NEBL: variants seen among roughly 807,000 people sequenced by gnomAD.
NEBL encodes the protein nebulette.
A neutral mutation model predicts 140.2 loss-of-function variants in NEBL; 122 were observed. That is an observed-to-expected ratio of 0.87 (90% CI 0.75 to 1.01). The LOEUF (loss-of-function observed/expected upper bound fraction) is 1.01. NEBL is among the 50% of genes least tolerant of loss of function. The probability of loss-of-function intolerance (pLI) is 0.00; values close to 1 mark genes in which losing one functional copy is unlikely to be tolerated. For missense variants in NEBL, 1,365 were observed against 1,231.3 expected, an observed-to-expected ratio of 1.11 and a Z score of -1.62; for synonymous variants, 436 against 398.9, an observed-to-expected ratio of 1.09 and a Z score of -1.11.
At position 21,116,610 on chromosome 10, in the gene NEBL, A is replaced by G. The variant is rs556416039; in HGVS notation, c.164+55773T>C. Reference sequence around the variant, plus strand: ...GTCATTTCTAGGCCTTTTTCTATATACTGTTTTTCTCCTCATTATGGGTCA... The same window carrying G: ...GTCATTTCTAGGCCTTTTTCTATATGCTGTTTTTCTCCTCATTATGGGTCA... On this transcript the variant is annotated intron_variant, in intron 2 of 6. Coordinates refer to the NEBL transcript ENST00000417816. 2.0e-5 allele frequency among the ~76,000 whole-genome samples: 3 copies of G among 151,908 alleles called. No individual in the cohort carries two copies. The South Asian group carries it at 6.3e-4, about 32-fold the overall frequency.
intron 2 of NEBL, among the ~76,000 whole-genome samples, chr10:21,161,913 T>C (rs978308733): frequency 8.5e-5 from 13 of 152,220 alleles, no homozygotes; most frequent in Non-Finnish European, 1.5e-5. Flanking sequence ...ATGAGCTCCT[T>C]GGACCATATC....
intron 2 of NEBL, among the ~76,000 whole-genome samples, chr10:21,149,944 T>TTGA (rs1840073262): frequency 6.6e-6 from 1 of 152,188 alleles, no homozygotes; most frequent in Non-Finnish European, 1.5e-5. Context: ...TTCTTCTGTG[T>TTGA]TGATTGCTGT....
intron 3 of NEBL, among the ~76,000 whole-genome samples, chr10:21,014,626 A>G (rs1460881024): frequency 6.6e-6 from 1 of 152,184 alleles, no homozygotes; most frequent in African/African-American, 2.4e-5. Flanking sequence ...GCTTTAGGTA[A>G]TATTTACCAG....
intron 1 of NEBL, among the ~76,000 whole-genome samples, chr10:21,259,394 G>A (rs1429853129): frequency 6.6e-6 from 1 of 152,112 alleles, no homozygotes; most frequent in Non-Finnish European, 1.5e-5. Flanking sequence ...AAGTGAGGGT[G>A]CAGCTATGAA....
chr10:21,234,628 G>A (rs1023151907), intron 3 of NEBL, among the ~76,000 whole-genome samples: 12 of 152,090 alleles, frequency 7.9e-5, no homozygotes, highest in African/African-American at 2.7e-4. Context: ...GAGCAGTGAC[G>A]TGCTGTTAAT....
At chr10:21,178,342 A>G (rs1055987917), upstream of NEBL, among the ~76,000 whole-genome samples, 5 of 152,248 alleles carry the variant, frequency 3.3e-5, no homozygotes, top group Non-Finnish European at 7.3e-5. Context: ...ATCTCTGCTT[A>G]TAATAAAATC....
intron 3 of NEBL, among the ~76,000 whole-genome samples, chr10:21,203,022 T>C (rs1470740977): frequency 6.6e-6 from 1 of 152,236 alleles, no homozygotes; most frequent in Non-Finnish European, 1.5e-5. Context: ...TAAAGCATAT[T>C]TGCATAGTCA....
chr10:21,025,004 T>C (rs568263903), intron 2 of NEBL, among the ~76,000 whole-genome samples: 69 of 152,300 alleles, frequency 4.5e-4, no homozygotes, highest in African/African-American at 1.4e-3. Context: ...CCTAAAAAAT[T>C]GTCTTGAATA....
intron 1 of NEBL, among the ~76,000 whole-genome samples, chr10:21,288,820 G>GATATATATATA (rs1843099453): frequency 2.9e-5 from 1 of 35,024 alleles, no homozygotes; most frequent in East Asian, 2.5e-3. Context: ...GTGTGTGTGT[G>GATATATATATA]TATATATATA....
intron 3 of NEBL, among the ~76,000 whole-genome samples, chr10:20,988,796 CA>C (rs1209916997): frequency 6.6e-6 from 1 of 152,184 alleles, no homozygotes; most frequent in South Asian, 2.1e-4. Flanking sequence ...CCACACTTGG[CA>C]AAGCCACCAG....
At chr10:20,894,534 G>GA (rs1004616844) in intron 2 of NEBL, among the ~76,000 whole-genome samples, 8 of 151,580 alleles carry the variant, frequency 5.3e-5, no homozygotes, top group African/African-American at 1.7e-4. Flanking sequence ...AGAGAAAAAG[G>GA]AAAAAAATCT....
At chr10:21,196,799 C>T (rs1458697451) in intron 3 of NEBL, among the ~76,000 whole-genome samples, 1 of 152,238 alleles carries the variant, frequency 6.6e-6, no homozygotes, top group Non-Finnish European at 1.5e-5. Flanking sequence ...TTTAACCACT[C>T]ATTGGTATCA....
chr10:21,251,614 G>A (rs749349120), intron 2 of NEBL, among the ~76,000 whole-genome samples: 16 of 152,130 alleles, frequency 1.1e-4, no homozygotes, highest in Admixed American at 3.3e-4. Flanking sequence ...CCCCAAAAAT[G>A]TGTATGTTAA....
At chr10:21,279,541 C>T (rs1290358651) in intron 1 of NEBL, among the ~76,000 whole-genome samples, 5 of 151,800 alleles carry the variant, frequency 3.3e-5, no homozygotes, top group Non-Finnish European at 7.4e-5. Context: ...CCAAGAAGGG[C>T]GGATCACTGG....
intron 3 of NEBL, among the ~76,000 whole-genome samples, chr10:21,233,351 A>T (rs1277361364): frequency 6.6e-6 from 1 of 152,074 alleles, no homozygotes; most frequent in East Asian, 1.9e-4. Flanking sequence ...CCCAGCCTCA[A>T]CCACTTCTCT....
chr10:20,923,660 C>A (rs1007255258), intron 4 of NEBL, among the ~76,000 whole-genome samples: 3 of 19,002 alleles, frequency 1.6e-4, no homozygotes, highest in Non-Finnish European at 3.2e-4. Flanking sequence ...GAGCAAGACT[C>A]CGTCTCAAAA....
intron 4 of NEBL, among the ~76,000 whole-genome samples, chr10:20,902,515 A>T (rs1377637470): frequency 6.6e-6 from 1 of 152,194 alleles, no homozygotes; most frequent in African/African-American, 2.4e-5. Context: ...TGTTGGAGGA[A>T]GTGAAAAACA....
chr10:20,787,433 T>G (rs773609141), intron 26 of NEBL, 125 bp from the exon 27 acceptor site: 4 of 777,614 alleles, frequency 5.1e-6, no homozygotes, highest in Non-Finnish European at 8.8e-6. Context: ...TTTTCAGTGT[T>G]GTGAAATTTA....
chr10:21,216,465 C>T (rs982885224), intron 3 of NEBL, among the ~76,000 whole-genome samples: 1 of 152,008 alleles, frequency 6.6e-6, no homozygotes, highest in African/African-American at 2.4e-5. Flanking sequence ...ACCAGCCTGG[C>T]CAACATGATG....
Sources: allele counts gnomAD v4.1 joint callset (sites outside exome capture counted in the v4.1 genomes callset), GRCh38; gene constraint gnomAD v4.1.1; transcripts MANE v1.5; gene names NCBI Gene and HGNC (gene_info 2026-07-23, HGNC 2026-07-21).